The following ZFYVE16 variants were observed in gnomAD, a reference collection of about 807,000 sequenced individuals.
ZFYVE16 encodes the protein zinc finger FYVE-type containing 16, also known as zinc finger FYVE domain-containing protein 16.
In ZFYVE16, 89 loss-of-function variants were observed where a neutral mutation model predicts 138.1. The observed-to-expected ratio is 0.64, with a 90% CI of 0.54 to 0.77. The LOEUF is 0.77. Among genes scored for constraint, ZFYVE16 ranks in the 30% least tolerant of loss-of-function variants. The pLI, the probability that ZFYVE16 is intolerant of heterozygous loss-of-function variation, is 0.00. For synonymous variants in ZFYVE16, 596 were observed against 618.3 expected (o/e 0.96, Z 0.53); for missense variants, 1,793 against 1,786.7 (o/e 1.00, Z -0.06).
chr5:80,423,554 G>A (rs1353330482), intron 1 of ZFYVE16, among the ~76,000 whole-genome samples: 1 of 152,034 alleles, frequency 6.6e-6, no homozygotes, highest in Non-Finnish European at 1.5e-5. Context: ...TTTATGTATT[G>A]AGATGGAGTC....
At chr5:80,470,035 G>GTA (rs531281055) in intron 15 of ZFYVE16, among the ~76,000 whole-genome samples, 3 of 147,848 alleles carry the variant, frequency 2.0e-5, no homozygotes, top group African/African-American at 5.0e-5. Context: ...ATATATGTGT[G>GTA]TATATATATG....
chr5:80,428,271 G>C (rs1748436767), intron 2 of ZFYVE16, among the ~76,000 whole-genome samples: 1 of 152,212 alleles, frequency 6.6e-6, no homozygotes, highest in Non-Finnish European at 1.5e-5. Context: ...CCAGAGGAAT[G>C]ATGAGGCAGC....
intron 1 of ZFYVE16, among the ~76,000 whole-genome samples, chr5:80,424,137 G>A (rs1436771350): frequency 6.6e-6 from 1 of 151,854 alleles, no homozygotes; most frequent in Non-Finnish European, 1.5e-5. Flanking sequence ...AGTAGAGACG[G>A]GGTTTCACCA....
At position 80,436,790 on chromosome 5, in the gene ZFYVE16, A is replaced by T. The variant is rs375505702; in HGVS notation, c.105A>T (p.Ala35=). ...EQDYLQDVQN[A]YDSNHCSVSS... ...ATTATCTCCAAGATGTACAAAATGC[A>T]TATGATTCTAACCACTGCTCAGTTT... Residue 35 remains alanine, a synonymous_variant, in exon 4 of 19, where the codon GCA becomes GCT. Transcript: ENST00000505560. 2 of 1,613,780 alleles carry T rather than the reference A, an allele frequency of 1.2e-6. No individual in the cohort carries two copies. The highest frequency in any genetic ancestry group is 2.7e-5 in the African/African-American group (2 of 74,924).
At chr5:80,465,221 C>T (rs1170092597) in intron 15 of ZFYVE16, among the ~76,000 whole-genome samples, 1 of 151,798 alleles carries the variant, frequency 6.6e-6, no homozygotes, top group Non-Finnish European at 1.5e-5. Context: ...TGAAGTGTGC[C>T]AGCAACATAT....
chr5:80,456,549 G>C lies in ZFYVE16; in HGVS notation c.3779G>C (p.Arg1260Pro), dbSNP rs542811896. The C allele has an allele frequency of 6.2e-7, 1 of 1,610,474 alleles. No individual in the cohort carries two copies. The highest frequency in any genetic ancestry group is 1.1e-5 in the South Asian group (1 of 90,908). ...EMGKSCIKIP[R>P]KKYSDVMKVL... ...GGAAAAAGCTGCATAAAAATACCAC[G>C]GAAAAAGTACAGTGATGTAAGTATA... The change falls in exon 13 of 19, where the codon CGG becomes CCG. Residue 1260 changes from arginine to proline, a missense_variant. This residue lies in a region of ZFYVE16 where 498 missense variants were observed against 582.4 expected (regional missense o/e 0.86). Coordinates refer to ENST00000505560, the MANE Select transcript of ZFYVE16 (RefSeq NM_001284236.3).
intron 1 of ZFYVE16, among the ~76,000 whole-genome samples, chr5:80,412,198 G>T (rs916054727): frequency 1.3e-5 from 2 of 151,726 alleles, no homozygotes; most frequent in Non-Finnish European, 2.9e-5. Context: ...CCTTACTGTT[G>T]GTTTTGTTGG....
intron 1 of ZFYVE16, among the ~76,000 whole-genome samples, chr5:80,412,362 A>G (rs1300172342): frequency 6.6e-6 from 1 of 152,204 alleles, no homozygotes; most frequent in East Asian, 1.9e-4. Flanking sequence ...AATAAGTTAT[A>G]TGTATACATA....
rs748173214 is a variant in ZFYVE16 at position 80,456,484 on chromosome 5, C to T, written c.3714C>T (p.Thr1238=). Residue 1238 remains threonine, a synonymous_variant, in exon 13 of 19, where the codon ACC becomes ACT. Transcript: ENST00000505560. The part of the protein sequence containing the change: ...LLVDLRNYQY[T]LHNIDQLLIH... ...AGGACCTTCGAAATTACCAGTATAC[C>T]TTGCATAATATAGATCAACTGTTGA... is the stretch of plus-strand genomic sequence containing the variant. 10 of 1,612,292 alleles carry T rather than the reference C, an allele frequency of 6.2e-6. No homozygotes were observed. The East Asian group carries it at 1.8e-4, about 29-fold the overall frequency.
intron 14 of ZFYVE16, among the ~76,000 whole-genome samples, chr5:80,457,567 C>T (rs1403979739): frequency 6.6e-6 from 1 of 151,974 alleles, no homozygotes; most frequent in Admixed American, 6.6e-5. Context: ...CAGTAGAAGG[C>T]CTAACAAATT....
In ZFYVE16 at chr5:80,438,416, A is replaced by G. The variant is rs755270239; in HGVS notation, c.1731A>G (p.Ile577Met). The G allele has an allele frequency of 1.9e-6, 3 of 1,613,912 alleles. No homozygotes were observed. The highest frequency in any genetic ancestry group is 1.7e-5 in the Admixed American group (1 of 59,992). Residue 577 changes from isoleucine to methionine, a missense_variant, in exon 4 of 19, where the codon ATA becomes ATG. Transcript: ENST00000505560. ...KGLDDGNINN[I>M]YFNAEAGAIG... ...TAGATGATGGAAACATCAATAATAT[A>G]TATTTCAATGCAGAAGCAGGAGCTA...
chr5:80,431,176 G>A (rs1580173703), intron 2 of ZFYVE16, among the ~76,000 whole-genome samples: 1 of 152,142 alleles, frequency 6.6e-6, no homozygotes, highest in African/African-American at 2.4e-5. Flanking sequence ...GAACATTGCT[G>A]CAAAAATCCT....
At chr5:80,417,422 T>C (rs1228591239) in intron 1 of ZFYVE16, among the ~76,000 whole-genome samples, 1 of 152,236 alleles carries the variant, frequency 6.6e-6, no homozygotes, top group Non-Finnish European at 1.5e-5. Flanking sequence ...GCTTTGAAGT[T>C]ATATGGTTAT....
In ZFYVE16 at chr5:80,472,850, A is replaced by T; in HGVS notation, c.4114A>T (p.Lys1372Ter). 1 of 1,614,046 alleles carries T rather than the reference A, an allele frequency of 6.2e-7. No individual in the cohort carries two copies. The highest frequency in any genetic ancestry group is 8.5e-7 in the Non-Finnish European group (1 of 1,179,978). The stretch of plus-strand genomic sequence containing the variant: ...GAAAGACTTTAAAATTACATGTGGG[A>T]AAGTTGATGCAGTAGACCTGAGAGA... ...EQKDFKITCG[K>*]VDAVDLREYV... Residue 1372 changes from lysine to a stop codon, truncating the protein, a stop_gained, in exon 16 of 19, where the codon AAA (lysine) becomes TAA (stop). Coordinates refer to ENST00000505560, the MANE Select transcript of ZFYVE16 (RefSeq NM_001284236.3). LOFTEE classifies it high-confidence loss of function.
At chr5:80,467,099 C>CT (rs1359053585) in intron 15 of ZFYVE16, among the ~76,000 whole-genome samples, 5 of 152,174 alleles carry the variant, frequency 3.3e-5, no homozygotes, top group Non-Finnish European at 7.4e-5. Context: ...TTTCCTGACT[C>CT]TAAGCTTACC....
intron 1 of ZFYVE16, among the ~76,000 whole-genome samples, chr5:80,410,574 T>C (rs1347902064): frequency 6.8e-6 from 1 of 148,026 alleles, no homozygotes; most frequent in Non-Finnish European, 1.5e-5. Context: ...TGCTGTACTT[T>C]GTTTGTTTGT....
In ZFYVE16 at chr5:80,458,304, C is replaced by T. The variant is rs1435460695; in HGVS notation, c.3944-1110C>T. Reference sequence around the variant, plus strand: ...GTTATTAATATTTATAGTGAAAAATCTCCTTTCCTCCCTTGACCACCCAGC... The same window carrying T: ...GTTATTAATATTTATAGTGAAAAATTTCCTTTCCTCCCTTGACCACCCAGC... On this transcript the variant is annotated intron_variant, in intron 14 of 18. Coordinates refer to ENST00000505560, the MANE Select transcript of ZFYVE16 (RefSeq NM_001284236.3). Among the ~76,000 whole-genome samples, 4 of 151,840 alleles carry T rather than the reference C, an allele frequency of 2.6e-5. No individual in the cohort carries two copies. In the East Asian group the frequency reaches 7.7e-4, roughly 29 times the overall value.
chr5:80,441,397 A>G (rs1750693398), intron 5 of ZFYVE16: 1 of 985,246 alleles, frequency 1.0e-6, no homozygotes, highest in Non-Finnish European at 1.2e-6. Context: ...TTATTTAGTT[A>G]TCTGTTCAAA....
At chr5:80,425,435 C>T (rs1157883709) in intron 1 of ZFYVE16, among the ~76,000 whole-genome samples, 4 of 152,134 alleles carry the variant, frequency 2.6e-5, no homozygotes, top group Admixed American at 1.3e-4. Context: ...TCTTTTACTC[C>T]CGTTTACCCT....
Sources: gnomAD v4.1 joint callset for allele counts (sites outside exome capture counted in the v4.1 genomes callset) on GRCh38, gnomAD v4.1.1 for gene constraint, gnomAD v4.1.1 regional missense constraint, MANE v1.5 for transcripts, NCBI Gene and HGNC (gene_info 2026-07-23, HGNC 2026-07-21) for gene names.